The following PLCXD2 variants were observed in gnomAD, a reference collection of about 807,000 sequenced individuals.
PLCXD2 encodes phosphatidylinositol specific phospholipase C X domain containing 2.
A neutral mutation model predicts 28.6 loss-of-function variants in PLCXD2; 21 were observed. The observed-to-expected ratio is 0.73, with a 90% CI of 0.52 to 1.06. The LOEUF is 1.06. PLCXD2 is among the 50% of genes least tolerant of loss of function. The pLI, the probability that PLCXD2 is intolerant of heterozygous loss-of-function variation, is 0.00. For synonymous variants in PLCXD2, 140 were observed against 150.1 expected (o/e 0.93, Z 0.49); for missense variants, 369 against 376.7 (o/e 0.98, Z 0.17).
intron 2 of PLCXD2, among the ~76,000 whole-genome samples, chr3:111,713,328 T>G (rs1447023641): frequency 1.3e-5 from 2 of 152,216 alleles, no homozygotes; most frequent in African/African-American, 4.8e-5. Context: ...ACCCATAGAT[T>G]ATGAGGGCAG....
At chr3:111,707,205 TAACTA>T (rs972662976) in intron 1 of PLCXD2, among the ~76,000 whole-genome samples, 1 of 152,242 alleles carries the variant, frequency 6.6e-6, no homozygotes, top group African/African-American at 2.4e-5. Flanking sequence ...AGGGACATAT[TAACTA>T]AACTGTGTTG....
chr3:111,716,687 T>C (rs1941271519), intron 3 of PLCXD2, among the ~76,000 whole-genome samples: 1 of 152,210 alleles, frequency 6.6e-6, no homozygotes, highest in Admixed American at 6.5e-5. Flanking sequence ...ACATGCTCCC[T>C]GTTCCAGGGT....
intron 2 of PLCXD2, among the ~76,000 whole-genome samples, chr3:111,709,215 A>G (rs1185010186): frequency 6.6e-6 from 1 of 152,204 alleles, no homozygotes; most frequent in Non-Finnish European, 1.5e-5. Context: ...TTGATTAAAA[A>G]TAGTTTAAAG....
intron 1 of PLCXD2, among the ~76,000 whole-genome samples, chr3:111,704,665 A>T (rs561870766): frequency 4.9e-4 from 74 of 152,334 alleles, no homozygotes; most frequent in Non-Finnish European, 9.1e-4. Context: ...TAATTGGTAT[A>T]ACCATCACCT....
intron 3 of PLCXD2, chr3:111,723,154 G>T (rs978854724): frequency 1.3e-5 from 2 of 152,170 alleles, no homozygotes; most frequent in Non-Finnish European, 2.9e-5. Context: ...CTAGGGGCTA[G>T]ATCATTTCCC....
chr3:111,720,919 G>T, intron 3 of PLCXD2: 1 of 416,250 alleles, frequency 2.4e-6, no homozygotes, highest in South Asian at 1.3e-4. Flanking sequence ...TGAATTTGTT[G>T]ATCCAGGGTA....
chr3:111,688,454 G>A (rs563958366), intron 1 of PLCXD2, among the ~76,000 whole-genome samples: 18 of 152,304 alleles, frequency 1.2e-4, no homozygotes, highest in African/African-American at 4.3e-4. Context: ...TCGTATTGAT[G>A]TGTGACAGTA....
intron 1 of PLCXD2, chr3:111,692,600 C>A (rs1397806698): frequency 6.6e-6 from 1 of 152,140 alleles, no homozygotes; most frequent in Non-Finnish European, 1.5e-5. Flanking sequence ...TATTTGAAAA[C>A]CAGATTCTAT....
chr3:111,715,722 T>C (rs1447330340), intron 3 of PLCXD2, among the ~76,000 whole-genome samples: 1 of 152,232 alleles, frequency 6.6e-6, no homozygotes, highest in East Asian at 1.9e-4. Context: ...CCCCAATCCA[T>C]ACAGCTAGTA....
Position 111,713,992 on chromosome 3 carries a change from A to G in PLCXD2, c.730A>G (p.Ile244Val). The change falls in exon 3 of 5, where the codon ATC (isoleucine) becomes GTC (valine). Residue 244 changes from isoleucine to valine, a missense_variant. Physicochemically the swap from Ile to Val is conservative, Grantham distance 29 (BLOSUM62 3). Transcript: ENST00000477665. ...AAACACCACAAGTGTGCGCAAACTA[A>G]TCCTCTTCTTGGAGACCACTCTGAG... 6.2e-7 allele frequency: 1 copy of G among 1,614,078 alleles called. No homozygotes were observed. The highest frequency in any genetic ancestry group is 1.1e-5 in the South Asian group (1 of 91,066).
chr3:111,710,541 A>T (rs1357866815), intron 2 of PLCXD2, among the ~76,000 whole-genome samples: 2 of 152,192 alleles, frequency 1.3e-5, no homozygotes, highest in African/African-American at 4.8e-5. Flanking sequence ...AAATTTTAAA[A>T]TCCTAGTTAG....
intron 3 of PLCXD2, chr3:111,725,617 C>CA: frequency 2.5e-6 from 1 of 398,578 alleles, no homozygotes; most frequent in Non-Finnish European, 4.4e-6. Context: ...CAAAATATCA[C>CA]AGTCTTAGAC....
intron 3 of PLCXD2, among the ~76,000 whole-genome samples, chr3:111,717,212 T>C (rs908675985): frequency 1.3e-5 from 2 of 152,098 alleles, no homozygotes; most frequent in African/African-American, 2.4e-5. Flanking sequence ...CCTCATCAGA[T>C]TGTAGCCTTA....
chr3:111,684,314 G>A (rs551762218), intron 1 of PLCXD2, among the ~76,000 whole-genome samples: 1 of 145,492 alleles, frequency 6.9e-6, no homozygotes, highest in African/African-American at 2.5e-5. Context: ...TGCTGACAGA[G>A]TGAGACTCCA....
intron 2 of PLCXD2, among the ~76,000 whole-genome samples, chr3:111,711,267 G>T (rs546518668): frequency 6.6e-6 from 1 of 152,264 alleles, no homozygotes; most frequent in East Asian, 1.9e-4. Context: ...AGCTGGGCAT[G>T]GTGGCACACG....
At chr3:111,721,753 C>T (rs978120893) in intron 3 of PLCXD2, 8 of 152,202 alleles carry the variant, frequency 5.3e-5, no homozygotes, top group African/African-American at 1.4e-4. Flanking sequence ...TTGGCAAAGT[C>T]CTCTTTGGAG....
At chr3:111,709,571 G>C (rs1179308900) in intron 2 of PLCXD2, among the ~76,000 whole-genome samples, 1 of 152,160 alleles carries the variant, frequency 6.6e-6, no homozygotes, top group Non-Finnish European at 1.5e-5. Flanking sequence ...AGGATTCTGT[G>C]GGTTGGAGGA....
At chr3:111,714,410 C>T (rs1941241043) in intron 3 of PLCXD2, among the ~76,000 whole-genome samples, 1 of 152,196 alleles carries the variant, frequency 6.6e-6, no homozygotes, top group Non-Finnish European at 1.5e-5. Context: ...TGTCTGTTCA[C>T]TCCTGGTACC....
chr3:111,712,563 C>T (rs924211986), intron 2 of PLCXD2, among the ~76,000 whole-genome samples: 1 of 152,192 alleles, frequency 6.6e-6, no homozygotes, highest in Non-Finnish European at 1.5e-5. Context: ...CCATTAGAAA[C>T]AACAAGAACA....
Sources: gnomAD v4.1 joint callset for allele counts (sites outside exome capture counted in the v4.1 genomes callset) on GRCh38, gnomAD v4.1.1 for gene constraint, MANE v1.5 for transcripts, NCBI Gene and HGNC (gene_info 2026-07-23, HGNC 2026-07-21) for gene names.